Variants in MIPEP observed in about 807,000 individuals in gnomAD.
The protein encoded by MIPEP is mitochondrial intermediate peptidase.
In MIPEP, 79 loss-of-function variants were observed where a neutral mutation model predicts 90.3. The observed-to-expected ratio is 0.87, with a 90% CI of 0.73 to 1.05. MIPEP has a LOEUF of 1.05. Among genes scored for constraint, MIPEP ranks in the 50% least tolerant of loss-of-function variants. The probability of loss-of-function intolerance (pLI) is 0.00; values close to 1 mark genes in which losing one functional copy is unlikely to be tolerated. For missense variants in MIPEP, 940 were observed against 905.6 expected (o/e 1.04, Z -0.49); for synonymous variants, 334 against 315.8 (o/e 1.06, Z -0.61).
intron 16 of MIPEP, among the ~76,000 whole-genome samples, chr13:23,787,964 T>C (rs1192250996): frequency 6.6e-6 from 1 of 152,210 alleles, no homozygotes; most frequent in Non-Finnish European, 1.5e-5. Context: ...GAGCGTGGCC[T>C]CTTTAATGGT....
At chr13:23,885,818 T>C (rs927758634) in intron 2 of MIPEP, among the ~76,000 whole-genome samples, 7 of 150,528 alleles carry the variant, frequency 4.7e-5, no homozygotes, top group Non-Finnish European at 1.0e-4. Context: ...CTCACACTTA[T>C]AATCCCAGCA....
chr13:23,838,346 C>T (rs566220765), intron 12 of MIPEP, among the ~76,000 whole-genome samples: 18 of 152,022 alleles, frequency 1.2e-4, no homozygotes, highest in Non-Finnish European at 2.5e-4. Context: ...TGGAGTCTTA[C>T]TATGTTGCCA....
rs568460606 is a variant in MIPEP at position 23,840,471 on chromosome 13, T to C, written c.1261-745A>G. 2.6e-5 allele frequency among the ~76,000 whole-genome samples: 4 copies of C among 152,334 alleles called. No homozygotes were observed. In the East Asian group the frequency reaches 5.8e-4, roughly 22 times the overall value. On this transcript the variant is annotated intron_variant, in intron 11 of 18. Coordinates refer to ENST00000382172, the MANE Select transcript of MIPEP (RefSeq NM_005932.4). ...CTGGGGAAACCCTTCATCACCCGCA[T>C]TTTGTCCTCTCAGTCTCCTCTTATA...
chr13:23,884,038 A>T (rs1004473871), intron 2 of MIPEP, among the ~76,000 whole-genome samples: 1 of 152,222 alleles, frequency 6.6e-6, no homozygotes, highest in Non-Finnish European at 1.5e-5. Flanking sequence ...GTTAATGCTC[A>T]AATCAGTTGT....
intron 16 of MIPEP, among the ~76,000 whole-genome samples, chr13:23,783,586 G>A (rs1380806013): frequency 6.6e-6 from 1 of 152,152 alleles, no homozygotes; most frequent in Non-Finnish European, 1.5e-5. Context: ...ACATAATGTT[G>A]GAAGTTCTGG....
At chr13:23,831,153 G>A (rs983186162) in intron 14 of MIPEP, among the ~76,000 whole-genome samples, 1 of 152,036 alleles carries the variant, frequency 6.6e-6, no homozygotes, top group African/African-American at 2.4e-5. Context: ...TGAGAAAGTG[G>A]GATGGGAACA....
chr13:23,741,304 C>G (rs1439523318), intron 18 of MIPEP, among the ~76,000 whole-genome samples: 1 of 152,184 alleles, frequency 6.6e-6, no homozygotes, highest in Admixed American at 6.5e-5. Flanking sequence ...TCTGACCCAG[C>G]AATCCCATTA....
chr13:23,821,728 T>C (rs1953307418), intron 14 of MIPEP, among the ~76,000 whole-genome samples: 1 of 152,186 alleles, frequency 6.6e-6, no homozygotes, highest in Non-Finnish European at 1.5e-5. Flanking sequence ...TAAAATAGTA[T>C]AGTATTTGCA....
At chr13:23,832,827 C>T (rs920810003) in intron 14 of MIPEP, among the ~76,000 whole-genome samples, 1 of 152,174 alleles carries the variant, frequency 6.6e-6, no homozygotes, top group African/African-American at 2.4e-5. Context: ...GATTAATTTA[C>T]AATAAATTCT....
At chr13:23,776,819 T>TA (rs34142881) in intron 16 of MIPEP, among the ~76,000 whole-genome samples, 7,088 of 147,360 alleles carry the variant, frequency 0.048, 216 homozygotes, top group Middle Eastern at 0.069. Context: ...TGACCTGCAT[T>TA]AAAAAAAAAA....
chr13:23,839,305 T>C (rs748607073), intron 12 of MIPEP, among the ~76,000 whole-genome samples: 4 of 152,208 alleles, frequency 2.6e-5, no homozygotes, highest in South Asian at 4.1e-4. Context: ...TTCCTCATAA[T>C]GTGAGTAACT....
intron 16 of MIPEP, among the ~76,000 whole-genome samples, chr13:23,765,425 G>A (rs1952583142): frequency 1.3e-5 from 2 of 152,152 alleles, no homozygotes; most frequent in Non-Finnish European, 2.9e-5. Context: ...TCTTATTGCT[G>A]TTAATCTCTT....
rs867825319 is a variant in MIPEP, at chr13:23,767,378, C to T, written c.1849-7161G>A. ...TTAAAAATACTATTTTGAGAATAAA[C>T]GCCTGCAAATATGGAAGGTATATAA... On this transcript the variant is annotated intron_variant, in intron 16 of 18. Coordinates refer to ENST00000382172, the MANE Select transcript of MIPEP (RefSeq NM_005932.4). 2.8e-4 allele frequency among the ~76,000 whole-genome samples: 43 copies of T among 152,012 alleles called. 1 individual carries two copies. The highest frequency in any genetic ancestry group is 1.5e-3 in the South Asian group (7 of 4,814).
chr13:23,876,292 A>G (rs1189208139), intron 4 of MIPEP, among the ~76,000 whole-genome samples: 1 of 152,222 alleles, frequency 6.6e-6, no homozygotes, highest in Non-Finnish European at 1.5e-5. Context: ...GGTGGGTCTC[A>G]TGCCAGGTAC....
rs1435549228 is a variant in MIPEP at position 23,862,294 on chromosome 13, A to T, written c.1053+8T>A. On this transcript the variant is annotated splice_region_variant and intron_variant, in intron 9 of 18. Transcript: ENST00000382172. ...TATATTATAATAAAAATATTCCAAC[A>T]TACTTACGGAATTTTGAGGATTCAG... The T allele has an allele frequency of 5.3e-6, 8 of 1,500,432 alleles. No homozygotes were observed. Among genetic ancestry groups the T allele is most frequent in the Non-Finnish European group, 7.4e-6 (8 of 1,088,318 alleles). 92.9% of individuals were successfully genotyped at this position (1,500,432 alleles called of 1,614,324 possible). A position where few individuals can be genotyped will look rare whatever the true frequency, so the allele number is the denominator to read the frequency against.
chr13:23,731,032 A>G (rs1952199095), intron 18 of MIPEP, among the ~76,000 whole-genome samples: 1 of 152,362 alleles, frequency 6.6e-6, no homozygotes, highest in East Asian at 1.9e-4. Context: ...TCAAACAAGA[A>G]GATGTAGTAG....
In MIPEP at chr13:23,809,936, A is replaced by G. The variant is rs1465911025; in HGVS notation, c.1654-12T>C. 3 of 1,589,950 alleles carry G rather than the reference A, an allele frequency of 1.9e-6. No homozygotes were observed. The highest frequency in any genetic ancestry group is 2.6e-6 in the Non-Finnish European group (3 of 1,158,458). On this transcript the variant is annotated splice_polypyrimidine_tract_variant and intron_variant, in intron 14 of 18. Coordinates refer to ENST00000382172, the MANE Select transcript of MIPEP (RefSeq NM_005932.4). ...TTTTTTGGCAGTGGCTTGATAAAAC[A>G]AAAGAATATATATGTGAGTAAACTG...
chr13:23,888,709 C>CA, intron 1 of MIPEP: 5 of 1,002,172 alleles, frequency 5.0e-6, no homozygotes, highest in Non-Finnish European at 5.9e-6. Flanking sequence ...CGTGTCCTTG[C>CA]AAAAAGACCA....
rs1325619290 is a variant in MIPEP at position 23,874,905 on chromosome 13, C to T, written c.544G>A (p.Val182Met). ...AAATCAAACATAAACAGTTCAGCCA[C>T]TCGCCTATAAATGAAATGAGCCCCA... ...VDSLDPETRR[V>M]AELFMFDFEI... The change falls in exon 5 of 19, where the codon GTG becomes ATG. Residue 182 changes from valine to methionine, a missense_variant. Coordinates refer to ENST00000382172, the MANE Select transcript of MIPEP (RefSeq NM_005932.4). 2.5e-6 allele frequency: 4 copies of T among 1,599,650 alleles called. No homozygotes were observed. Among genetic ancestry groups the T allele is most frequent in the Non-Finnish European group, 3.4e-6 (4 of 1,175,568 alleles).
Sources: gnomAD v4.1 joint callset for allele counts (sites outside exome capture counted in the v4.1 genomes callset) on GRCh38, gnomAD v4.1.1 for gene constraint, MANE v1.5 for transcripts, NCBI Gene and HGNC (gene_info 2026-07-23, HGNC 2026-07-21) for gene names.